Variants in GABRA5 observed in about 807,000 individuals in gnomAD.
GABRA5 encodes the protein gamma-aminobutyric acid type A receptor subunit alpha5.
Under a neutral mutation model 47.3 loss-of-function variants are expected in GABRA5, and 18 were observed. The ratio of observed to expected loss-of-function variants is 0.38; its 90% CI spans 0.26 to 0.56. The LOEUF (loss-of-function observed/expected upper bound fraction) is 0.56. GABRA5 is among the 20% of genes least tolerant of loss of function. The pLI is 0.71. For missense variants in GABRA5, 365 were observed against 599.3 expected (o/e 0.61, Z 4.08); for synonymous variants, 237 against 229.3 (o/e 1.03, Z -0.30).
intron 7 of GABRA5, among the ~76,000 whole-genome samples, chr15:26,927,727 A>G (rs1038266025): frequency 2.6e-5 from 4 of 152,238 alleles, no homozygotes; most frequent in Non-Finnish European, 5.9e-5. Context: ...TACCATTGGC[A>G]TCTGAGCATG....
intron 7 of GABRA5, among the ~76,000 whole-genome samples, chr15:26,927,726 C>T (rs563525995): frequency 4.2e-4 from 64 of 152,326 alleles, no homozygotes; most frequent in Non-Finnish European, 8.1e-4. Context: ...ATACCATTGG[C>T]ATCTGAGCAT....
intron 10 of GABRA5, among the ~76,000 whole-genome samples, chr15:26,946,538 T>C (rs1894515885): frequency 1.3e-5 from 2 of 152,094 alleles, no homozygotes; most frequent in African/African-American, 4.8e-5. Flanking sequence ...CAATACTAGC[T>C]TACTGTTTTA....
At chr15:26,873,668 G>A (rs1566862185) in intron 3 of GABRA5, among the ~76,000 whole-genome samples, 2 of 152,172 alleles carry the variant, frequency 1.3e-5, no homozygotes, top group Non-Finnish European at 2.9e-5. Context: ...AGGTACTCAT[G>A]ATATCTTTTT....
At chr15:26,890,927 A>G (rs1892991097) in intron 6 of GABRA5, among the ~76,000 whole-genome samples, 1 of 152,162 alleles carries the variant, frequency 6.6e-6, no homozygotes, top group Non-Finnish European at 1.5e-5. Flanking sequence ...AGATCCAGAG[A>G]ATGTCTGGTT....
chr15:26,900,330 T>C (rs1268624437), intron 6 of GABRA5, among the ~76,000 whole-genome samples: 3 of 152,258 alleles, frequency 2.0e-5, no homozygotes, highest in African/African-American at 4.8e-5. Context: ...TTTAAAGTCA[T>C]ATGGGATAAA....
chr15:26,903,569 C>G (rs539365218), intron 6 of GABRA5, among the ~76,000 whole-genome samples: 1 of 152,118 alleles, frequency 6.6e-6, no homozygotes, highest in African/African-American at 2.4e-5. Context: ...TACACTCCAG[C>G]CAACAGTGTA....
chr15:26,895,944 G>A (rs1330698408), intron 6 of GABRA5, among the ~76,000 whole-genome samples: 1 of 151,950 alleles, frequency 6.6e-6, no homozygotes, highest in African/African-American at 2.4e-5. Context: ...GTCTCCCCGA[G>A]AGCTGGACCA....
chr15:26,919,684 TACAG>T (rs1595423017), intron 7 of GABRA5, among the ~76,000 whole-genome samples: 2 of 152,160 alleles, frequency 1.3e-5, no homozygotes, highest in Admixed American at 6.5e-5. Context: ...TCTGTGTAAA[TACAG>T]ACAAATACCT....
intron 6 of GABRA5, among the ~76,000 whole-genome samples, chr15:26,904,078 G>A (rs1024877276): frequency 1.3e-5 from 2 of 151,928 alleles, no homozygotes; most frequent in African/African-American, 4.8e-5. Flanking sequence ...AGGTTGTCTT[G>A]TAGGGTTTTT....
At chr15:26,898,348 A>G (rs1377264771) in intron 6 of GABRA5, among the ~76,000 whole-genome samples, 2 of 152,054 alleles carry the variant, frequency 1.3e-5, no homozygotes, top group Non-Finnish European at 2.9e-5. Flanking sequence ...TTATACATCA[A>G]ATTTCTATCC....
intron 6 of GABRA5, among the ~76,000 whole-genome samples, chr15:26,894,000 C>T (rs1260296333): frequency 2.6e-5 from 4 of 151,996 alleles, no homozygotes; most frequent in Non-Finnish European, 5.9e-5. Context: ...CTTTGGGCCT[C>T]CAGGAGTGTT....
At position 26,894,117 on chromosome 15, in the gene GABRA5, C is replaced by A. The variant is rs529619642; in HGVS notation, c.497+10560C>A. On this transcript the variant is annotated intron_variant, in intron 6 of 10. Coordinates refer to ENST00000335625, the MANE Select transcript of GABRA5 (RefSeq NM_000810.4). ...GGCCGGAGGCTGGAGCGCAGCGGCC[C>A]GGGCAGAAGCCCTGCCCAGACGGCG... Among the ~76,000 whole-genome samples the A allele has an allele frequency of 1.8e-3, 278 of 152,144 alleles. 2 individuals carry two copies. The highest frequency in any genetic ancestry group is 6.5e-3 in the African/African-American group (268 of 41,516).
intron 1 of GABRA5, chr15:26,868,227 C>T (rs1038619255): frequency 4.6e-5 from 7 of 152,226 alleles, no homozygotes; most frequent in African/African-American, 1.2e-4. Flanking sequence ...TGCTCGCCGC[C>T]TGGCTCTGGC....
intron 3 of GABRA5, among the ~76,000 whole-genome samples, chr15:26,878,560 C>A: frequency 6.6e-6 from 1 of 152,082 alleles, no homozygotes; most frequent in East Asian, 1.9e-4. Flanking sequence ...ATCATCAGAG[C>A]TTTTTAAGAA....
chr15:26,880,160 A>T (rs1413885397), intron 3 of GABRA5, among the ~76,000 whole-genome samples: 1 of 152,194 alleles, frequency 6.6e-6, no homozygotes, highest in Non-Finnish European at 1.5e-5. Context: ...ACTTGATTGA[A>T]CAAACAAAAA....
intron 6 of GABRA5, among the ~76,000 whole-genome samples, chr15:26,903,206 T>C (rs1001432001): frequency 6.6e-6 from 1 of 152,086 alleles, no homozygotes; most frequent in African/African-American, 2.4e-5. Flanking sequence ...TGAGAACATG[T>C]GGTATTTGGC....
intron 6 of GABRA5, among the ~76,000 whole-genome samples, chr15:26,902,583 C>A (rs1032469189): frequency 2.0e-5 from 3 of 152,084 alleles, no homozygotes; most frequent in African/African-American, 7.2e-5. Context: ...CTCAATTGTG[C>A]TCAAGCGCAA....
At chr15:26,913,957 C>T (rs771762433) in intron 6 of GABRA5, among the ~76,000 whole-genome samples, 16 of 152,062 alleles carry the variant, frequency 1.1e-4, no homozygotes, top group Non-Finnish European at 1.6e-4. Flanking sequence ...CCTTAATATC[C>T]GCACCTCACT....
rs902073158 is a variant in GABRA5 at position 26,883,626 on chromosome 15, G to T, written c.497+69G>T. 5.7e-6 allele frequency: 7 copies of T among 1,231,410 alleles called. No individual in the cohort carries two copies. Among genetic ancestry groups the T allele is most frequent in the South Asian group, 1.5e-5 (1 of 66,844 alleles). 76.3% of individuals were successfully genotyped at this position (1,231,410 alleles called of 1,614,324 possible). ...GGCAGGCGCGGCTGCCCATCCTGCC[G>T]CAAGAGCTGCGCCGCGGAGCTGTTC... On this transcript the variant is annotated intron_variant, in intron 6 of 10. Transcript: ENST00000335625. The surrounding 1 kb of genome is among the most constrained non-coding windows in gnomAD (Gnocchi z 4.8).
Sources: allele counts gnomAD v4.1 joint callset (sites outside exome capture counted in the v4.1 genomes callset), GRCh38; gene constraint gnomAD v4.1.1; non-coding constraint Gnocchi (gnomAD v3.1); transcripts MANE v1.5; gene names NCBI Gene and HGNC (gene_info 2026-07-23, HGNC 2026-07-21).